The following TRIM41 variants were observed in gnomAD, a reference collection of about 807,000 sequenced individuals.
TRIM41 encodes the protein E3 ubiquitin-protein ligase TRIM41.
Under a neutral mutation model 60.6 loss-of-function variants are expected in TRIM41, and 21 were observed. The ratio of observed to expected loss-of-function variants is 0.35; its 90% CI spans 0.25 to 0.50. The LOEUF is 0.50. Among genes scored for constraint, TRIM41 ranks in the 20% least tolerant of loss-of-function variants. The pLI is 0.98. For synonymous variants in TRIM41, 407 were observed against 344.9 expected (o/e 1.18, Z -2.00); for missense variants, 846 against 868.3 (o/e 0.97, Z 0.32).
chr5:181,224,347 C>A lies in TRIM41; in HGVS notation c.348C>A (p.Ser116Arg). ...VFWTSGMSRS[S>R]WDNMDYVWEE... ...GGACCAGTGGCATGAGCAGGTCCAG[C>A]TGGGACAACATGGACTATGTGTGGG... Residue 116 changes from serine (S) to arginine (R), a missense_variant, in exon 1 of 6, where the codon AGC becomes AGA. Coordinates refer to ENST00000315073, the MANE Select transcript of TRIM41 (RefSeq NM_033549.5). 1 of 1,612,744 alleles carries A rather than the reference C, an allele frequency of 6.2e-7. No individual in the cohort carries two copies. The highest frequency in any genetic ancestry group is 8.5e-7 in the Non-Finnish European group (1 of 1,179,154).
At chr5:181,228,272 A>C (rs189395092) in intron 1 of TRIM41, 2 of 152,314 alleles carry the variant, frequency 1.3e-5, no homozygotes, top group East Asian at 3.9e-4. Context: ...AATTTCTCTT[A>C]TAACTGGCTG....
intron 2 of TRIM41, chr5:181,232,240 T>C: frequency 5.7e-6 from 1 of 176,466 alleles, no homozygotes; most frequent in South Asian, 1.3e-4. Flanking sequence ...TGGGAGCTCA[T>C]GGTACAGTGG....
intron 2 of TRIM41, chr5:181,232,249 G>A (rs1221386777): frequency 5.2e-6 from 1 of 192,566 alleles, no homozygotes; most frequent in East Asian, 1.8e-4. Context: ...ATGGTACAGT[G>A]GGGGAAAGGA....
Position 181,234,274 on chromosome 5 carries a change from C to G in TRIM41, c.1392C>G (p.Asp464Glu), listed in dbSNP as rs78013120. 1.0e-3 allele frequency: 1,668 copies of G among 1,613,012 alleles called. 21 individuals carry two copies. The African/African-American group carries it at 0.02, about 19-fold the overall frequency. ...CAGAGCGGCGGCAGGAGGTTGCTGA[C>G]CATCCCAAGCGCTTCTCGGCCGACT... ...RLAERRQEVADHPKRFSADCC... is the reference protein window; with the variant it reads ...RLAERRQEVAEHPKRFSADCC... The change falls in exon 6 of 6, where the codon GAC (aspartate) becomes GAG (glutamate). Residue 464 changes from aspartate to glutamate, a missense_variant. Physicochemically the swap from Asp to Glu is conservative, Grantham distance 45. Coordinates refer to ENST00000315073, the MANE Select transcript of TRIM41 (RefSeq NM_033549.5). The surrounding 1 kb of genome is among the most constrained non-coding windows in gnomAD (Gnocchi z 5.6).
In TRIM41 at chr5:181,234,671, ACT is replaced by A. The variant is rs1758990575; in HGVS notation, c.1792_1793del (p.Leu598SerfsTer56). The A allele has an allele frequency of 1.2e-6, 2 of 1,613,980 alleles. No individual in the cohort carries two copies. Among genetic ancestry groups the A allele is most frequent in the Non-Finnish European group, 1.7e-6 (2 of 1,179,984 alleles). ...AGRLGFYNAETLAHVHTFSAA... is the reference protein window; with the variant it reads ...AGRLGFYNAEXLAHVHTFSAA... ...GCGCCTGGGCTTCTACAACGCAGAGACTCTAGCCCACGTGCACACCTTCTCGG... is the reference window on the plus strand; with the variant it reads ...GCGCCTGGGCTTCTACAACGCAGAGACTAGCCCACGTGCACACCTTCTCGG... On this transcript the variant is annotated frameshift_variant, in exon 6 of 6. Transcript: ENST00000315073. LOFTEE classifies it high-confidence loss of function. This position sits in a 1 kb window ranked among gnomAD's most constrained non-coding sequence, Gnocchi z 5.6.
At position 181,234,220 on chromosome 5, in the gene TRIM41, G is replaced by A. The variant is rs1386266829; in HGVS notation, c.1338G>A (p.Leu446=). ...ACACGGCTCACCCGGCCCTGATGCT[G>A]TCCCCTGACCGCCGGGGGGTCCGCC... The part of the protein sequence containing the change: ...DPDTAHPALM[L]SPDRRGVRLA... Residue 446 remains leucine (L), a synonymous_variant, in exon 6 of 6, where the codon CTG becomes CTA. Transcript: ENST00000315073. The surrounding 1 kb of genome is among the most constrained non-coding windows in gnomAD (Gnocchi z 5.6). 7 of 1,613,266 alleles carry A rather than the reference G, an allele frequency of 4.3e-6. No homozygotes were observed. The highest frequency in any genetic ancestry group is 5.9e-6 in the Non-Finnish European group (7 of 1,179,982).
At position 181,223,964 on chromosome 5, in the gene TRIM41, C is replaced by A. The variant is rs565570754; in HGVS notation, c.-36C>A. On this transcript the variant is annotated 5_prime_UTR_variant, in exon 1 of 6. Transcript: ENST00000315073. ...GGGAAGACCCCCGCCCCTCGCCCCC[C>A]CACCGAACCTCTACACTGGCTGGCT... The A allele has an allele frequency of 2.8e-5, 43 of 1,555,982 alleles. No homozygotes were observed. The South Asian group carries it at 4.5e-4, about 16-fold the overall frequency.
rs1215433138 is a variant in TRIM41, at chr5:181,224,508, C to T, written c.509C>T (p.Pro170Leu). The stretch of plus-strand genomic sequence containing the variant: ...GAAGAGGATCTAGACCCCGTCACCC[C>T]ACTGCCCCCGCCTCCAGCCCCTCGG... ...VEEEDLDPVT[P>L]LPPPPAPRRC... Residue 170 changes from proline (P) to leucine (L), a missense_variant, in exon 1 of 6, where the codon CCA becomes CTA. By Grantham distance (98) the Pro-to-Leu change is moderately conservative. Coordinates refer to ENST00000315073, the MANE Select transcript of TRIM41 (RefSeq NM_033549.5). 1.9e-6 allele frequency: 3 copies of T among 1,612,054 alleles called. No homozygotes were observed. The highest frequency in any genetic ancestry group is 1.7e-5 in the Admixed American group (1 of 59,964).
Position 181,234,098 on chromosome 5 carries a change from C to T in TRIM41, c.1292-76C>T, listed in dbSNP as rs1758933814. 6.3e-6 allele frequency: 10 copies of T among 1,597,818 alleles called. No homozygotes were observed. The South Asian group carries it at 1.1e-4, about 18-fold the overall frequency. On this transcript the variant is annotated intron_variant, in intron 5 of 5. Coordinates refer to ENST00000315073, the MANE Select transcript of TRIM41 (RefSeq NM_033549.5). This position sits in a 1 kb window ranked among gnomAD's most constrained non-coding sequence, Gnocchi z 5.6. ...AGCTGGATTCAGGGAGAAAGGGGGC[C>T]CAATCTGTGGAGTTGGCTGCTGACA...
chr5:181,233,391 T>A lies in TRIM41; in HGVS notation c.1141-22T>A. ...CTTTATCTCTTTCTCCCTCTCCCTCTTTTTGTTTCTCTTATTCCCAGGACA... is the reference window on the plus strand; with the variant it reads ...CTTTATCTCTTTCTCCCTCTCCCTCATTTTGTTTCTCTTATTCCCAGGACA... On this transcript the variant is annotated intron_variant, in intron 3 of 5. Coordinates refer to ENST00000315073, the MANE Select transcript of TRIM41 (RefSeq NM_033549.5). This position sits in a 1 kb window ranked among gnomAD's most constrained non-coding sequence, Gnocchi z 4.1. 6.2e-7 allele frequency: 1 copy of A among 1,613,050 alleles called. No individual in the cohort carries two copies. The highest frequency in any genetic ancestry group is 8.5e-7 in the Non-Finnish European group (1 of 1,179,228).
At chr5:181,231,129 G>C (rs530746632) in intron 2 of TRIM41, 9 of 336,554 alleles carry the variant, frequency 2.7e-5, no homozygotes, top group Non-Finnish European at 4.7e-5. Flanking sequence ...AGAGCCTGAA[G>C]GGGGCAAAGC....
At position 181,235,093 on chromosome 5, in the gene TRIM41, G is replaced by A; in HGVS notation, c.*318G>A. 1.9e-6 allele frequency: 3 copies of A among 1,605,424 alleles called. No homozygotes were observed. Among genetic ancestry groups the A allele is most frequent in the South Asian group, 1.1e-5 (1 of 90,558 alleles). On this transcript the variant is annotated 3_prime_UTR_variant, in exon 6 of 6. Coordinates refer to ENST00000315073, the MANE Select transcript of TRIM41 (RefSeq NM_033549.5). ...ACTGGAATTTGAGTAGGGGATGAGGGGAAATTGTAATTTCATTCCTTAACT... is the reference window on the plus strand; with the variant it reads ...ACTGGAATTTGAGTAGGGGATGAGGAGAAATTGTAATTTCATTCCTTAACT...
Position 181,233,195 on chromosome 5 carries a change from G to A in TRIM41, c.1141-218G>A. ...AGCAAGTCGTATTGTGGAAATGACA[G>A]TATCCCTGGGCTCACAGCAGGATGA... On this transcript the variant is annotated intron_variant, in intron 3 of 5. Coordinates refer to ENST00000315073, the MANE Select transcript of TRIM41 (RefSeq NM_033549.5). The surrounding 1 kb of genome is among the most constrained non-coding windows in gnomAD (Gnocchi z 4.1). The A allele has an allele frequency of 1.4e-6, 1 of 720,494 alleles. No individual in the cohort carries two copies. The highest frequency in any genetic ancestry group is 2.7e-5 in the East Asian group (1 of 37,656). The allele number at this position is 720,494 out of a possible 1,614,324, so 44.6% of individuals were successfully genotyped here.
rs1258043755 is a variant in TRIM41 at position 181,234,427 on chromosome 5, T to C, written c.1545T>C (p.Pro515=). The change falls in exon 6 of 6, where the codon CCT becomes CCC. Residue 515 remains proline (P), a synonymous_variant. Transcript: ENST00000315073. This position sits in a 1 kb window ranked among gnomAD's most constrained non-coding sequence, Gnocchi z 5.6. ...ESTHHKEKVG[P]GGSSVGSGDA... ...CCCATCATAAGGAAAAGGTGGGCCC[T>C]GGGGGTTCCTCCGTGGGCAGCGGGG... 1.3e-6 allele frequency: 2 copies of C among 1,596,666 alleles called. No individual in the cohort carries two copies. Among genetic ancestry groups the C allele is most frequent in the Non-Finnish European group, 1.7e-6 (2 of 1,171,958 alleles).
intron 1 of TRIM41, 189 bp from the exon 2 acceptor site, chr5:181,230,555 A>G: frequency 2.6e-6 from 1 of 391,950 alleles, no homozygotes; most frequent in Non-Finnish European, 4.8e-6. Flanking sequence ...AGACGTGCAC[A>G]GAGGGATTGG....
chr5:181,225,922 T>A lies in TRIM41; in HGVS notation c.813+1110T>A, dbSNP rs190749652. 9 of 152,280 alleles carry A rather than the reference T, an allele frequency of 5.9e-5. No homozygotes were observed. In the East Asian group the frequency reaches 1.7e-3, roughly 29 times the overall value. 9.4% of individuals were successfully genotyped at this position (152,280 alleles called of 1,614,324 possible). On this transcript the variant is annotated intron_variant, in intron 1 of 5. Coordinates refer to ENST00000315073, the MANE Select transcript of TRIM41 (RefSeq NM_033549.5). ...CTCTGTGTGGTCTGCACAGAGCTTT[T>A]TTTGTTTTATAACTCATGTTTTCAG...
intron 1 of TRIM41, chr5:181,229,209 G>A (rs1487453186): frequency 6.6e-6 from 1 of 152,206 alleles, no homozygotes; most frequent in Non-Finnish European, 1.5e-5. Flanking sequence ...GCAGCTTAAG[G>A]TATAGGGAAC....
rs1021550290 is a variant in TRIM41 at position 181,235,277 on chromosome 5, C to A, written c.*502C>A. On this transcript the variant is annotated 3_prime_UTR_variant, in exon 6 of 6. Coordinates refer to ENST00000315073, the MANE Select transcript of TRIM41 (RefSeq NM_033549.5). ...AGGCAGGCTGGGCCAAAGGGTAGAG[C>A]TGGGTAATAAATGTCTATTCTCCTG... The A allele has an allele frequency of 6.2e-7, 1 of 1,613,036 alleles. No individual in the cohort carries two copies. Among genetic ancestry groups the A allele is most frequent in the African/African-American group, 1.3e-5 (1 of 74,906 alleles).
In TRIM41 at chr5:181,233,342, C is replaced by A. The variant is rs537340579; in HGVS notation, c.1141-71C>A. 15 of 1,504,154 alleles carry A rather than the reference C, an allele frequency of 1.0e-5. No homozygotes were observed. Among genetic ancestry groups the A allele is most frequent in the Non-Finnish European group, 1.4e-5 (15 of 1,083,750 alleles). The allele number at this position is 1,504,154 out of a possible 1,614,324, so 93.2% of individuals were successfully genotyped here. A position where few individuals can be genotyped will look rare whatever the true frequency, so the allele number is the denominator to read the frequency against. ...GTCTCTGACTGGAGATCGGGGAACG[C>A]TGTCCCTGTGCAGCTGACACTCTCT... On this transcript the variant is annotated intron_variant, in intron 3 of 5. Coordinates refer to ENST00000315073, the MANE Select transcript of TRIM41 (RefSeq NM_033549.5). This position sits in a 1 kb window ranked among gnomAD's most constrained non-coding sequence, Gnocchi z 4.1.
Sources: gnomAD v4.1 joint callset for allele counts on GRCh38, gnomAD v4.1.1 for gene constraint, Gnocchi (gnomAD v3.1) non-coding constraint, MANE v1.5 for transcripts, NCBI Gene and HGNC (gene_info 2026-07-23, HGNC 2026-07-21) for gene names.